Variants in TENM2 observed in about 807,000 individuals in gnomAD.
The protein encoded by TENM2 is teneurin-2.
TENM2 carries 52 observed loss-of-function variants against 245.2 expected under a neutral mutation model. That is an observed-to-expected ratio of 0.21 (90% CI 0.17 to 0.27). TENM2 has a LOEUF of 0.27. Among genes scored for constraint, TENM2 ranks in the 10% least tolerant of loss-of-function variants. The probability of loss-of-function intolerance (pLI) is 1.00; values close to 1 mark genes in which losing one functional copy is unlikely to be tolerated. For missense variants in TENM2, 3,046 were observed against 3,666.8 expected (o/e 0.83, Z 4.37); for synonymous variants, 1,363 against 1,438.9 (o/e 0.95, Z 1.19).
chr5:167,888,442 A>G (rs1363879464), intron 3 of TENM2, among the ~76,000 whole-genome samples: 5 of 152,204 alleles, frequency 3.3e-5, no homozygotes, highest in African/African-American at 4.8e-5. Flanking sequence ...GAGGAAAGGT[A>G]TGCAGAGGGT....
chr5:167,651,450 G>A (rs1267956255), intron 2 of TENM2, among the ~76,000 whole-genome samples: 1 of 151,542 alleles, frequency 6.6e-6, no homozygotes, highest in African/African-American at 2.4e-5. Flanking sequence ...AGGATGACAT[G>A]ATTTCCTACA....
chr5:167,433,501 T>G (rs942354126), intron 2 of TENM2, among the ~76,000 whole-genome samples: 9 of 152,180 alleles, frequency 5.9e-5, no homozygotes, highest in African/African-American at 2.2e-4. Context: ...TCTTATGCTT[T>G]TTATTGCTGT....
At chr5:167,786,558 T>C (rs959864637) in intron 2 of TENM2, among the ~76,000 whole-genome samples, 1 of 152,264 alleles carries the variant, frequency 6.6e-6, no homozygotes, top group Non-Finnish European at 1.5e-5. Context: ...ACTTAGGTCA[T>C]GTGCCCTTTC....
At chr5:167,250,210 A>G in the TENM2 span, among the ~76,000 whole-genome samples, 1 of 152,092 alleles carries the variant, frequency 6.6e-6, no homozygotes, top group African/African-American at 2.4e-5. Context: ...AGTGTCAGCT[A>G]CTCAGGAGGC....
chr5:167,949,723 C>T (rs932434396), intron 3 of TENM2, among the ~76,000 whole-genome samples: 2 of 152,182 alleles, frequency 1.3e-5, no homozygotes, highest in African/African-American at 4.8e-5. Context: ...GAACCCAGTT[C>T]TGTAGATTTT....
At chr5:167,580,079 G>A (rs528972489) in intron 2 of TENM2, among the ~76,000 whole-genome samples, 7 of 152,180 alleles carry the variant, frequency 4.6e-5, no homozygotes, top group African/African-American at 1.4e-4. Flanking sequence ...AATCATAATT[G>A]CCTATAGAGT....
the TENM2 span, among the ~76,000 whole-genome samples, chr5:167,027,658 C>T: frequency 6.6e-6 from 1 of 151,966 alleles, no homozygotes; most frequent in East Asian, 1.9e-4. Context: ...AATGCAAGAT[C>T]ATTTTAATTT....
chr5:168,238,188 AGGGAGG>A lies in TENM2; in HGVS notation c.5521-6230_5521-6225del, dbSNP rs1562320644. 7.4e-4 allele frequency among the ~76,000 whole-genome samples: 27 copies of A among 36,588 alleles called. 1 individual carries two copies. Among genetic ancestry groups the A allele is most frequent in the African/African-American group, 7.3e-3 (26 of 3,556 alleles). The allele number at this position is 36,588 out of a possible 152,430, so 24.0% of individuals were successfully genotyped here. On this transcript the variant is annotated intron_variant, in intron 25 of 28. Transcript: ENST00000518659. ...GAGAGAGAGAGAGAGAGAGAGAGGGAGGGAGGGAGGGAGGGAGGGAGGGAGGGAGAG... is the reference window on the plus strand; with the variant it reads ...GAGAGAGAGAGAGAGAGAGAGAGGGAGAGGGAGGGAGGGAGGGAGGGAGAG...
chr5:167,200,362 C>T, the TENM2 span, among the ~76,000 whole-genome samples: 1 of 151,968 alleles, frequency 6.6e-6, no homozygotes, highest in Non-Finnish European at 1.5e-5. Flanking sequence ...TCACTTAGCT[C>T]TTATTTGTGT....
At chr5:167,097,882 T>G in the TENM2 span, among the ~76,000 whole-genome samples, 2 of 152,180 alleles carry the variant, frequency 1.3e-5, no homozygotes, top group Non-Finnish European at 2.9e-5. Context: ...TACTTCTCTT[T>G]CCTTGTTTTT....
chr5:167,227,428 C>T, the TENM2 span, among the ~76,000 whole-genome samples: 6 of 152,050 alleles, frequency 3.9e-5, no homozygotes, highest in East Asian at 1.9e-4. Flanking sequence ...CCCTCTTGAG[C>T]GTTTCTTGTA....
At chr5:167,545,761 C>T (rs1772523755) in intron 2 of TENM2, among the ~76,000 whole-genome samples, 1 of 152,140 alleles carries the variant, frequency 6.6e-6, no homozygotes, top group Non-Finnish European at 1.5e-5. Context: ...TTTTATCTTC[C>T]TAATTTGGGC....
intron 1 of TENM2, among the ~76,000 whole-genome samples, chr5:167,359,579 C>A (rs1446072662): frequency 2.0e-5 from 3 of 151,912 alleles, no homozygotes; most frequent in African/African-American, 4.8e-5. Flanking sequence ...TAATTAGATT[C>A]CATTTGTTAA....
rs1485409706 is a variant in TENM2, at chr5:168,234,429, G to A, written c.5520+6299G>A. On this transcript the variant is annotated intron_variant, in intron 25 of 28. Transcript: ENST00000518659. Reference sequence around the variant, plus strand: ...ACATCTCAGTAAAAGCACCTAGACAGGGAAGCCCTAGAAAAAAGAGGTGCC... The same window carrying A: ...ACATCTCAGTAAAAGCACCTAGACAAGGAAGCCCTAGAAAAAAGAGGTGCC... Among the ~76,000 whole-genome samples, 5 of 151,996 alleles carry A rather than the reference G, an allele frequency of 3.3e-5. No homozygotes were observed. The South Asian group carries it at 6.2e-4, about 19-fold the overall frequency.
intron 1 of TENM2, among the ~76,000 whole-genome samples, chr5:167,357,210 T>C (rs1689082148): frequency 6.6e-6 from 1 of 152,168 alleles, no homozygotes; most frequent in African/African-American, 2.4e-5. Context: ...TTTGTAGTTA[T>C]AACTTATACT....
the TENM2 span, among the ~76,000 whole-genome samples, chr5:167,206,514 T>C: frequency 2.0e-5 from 3 of 152,184 alleles, no homozygotes; most frequent in Admixed American, 2.0e-4. Flanking sequence ...ACATATATCA[T>C]GGAGCAAACA....
chr5:167,073,647 C>T, the TENM2 span, among the ~76,000 whole-genome samples: 1 of 152,152 alleles, frequency 6.6e-6, no homozygotes, highest in East Asian at 1.9e-4. Flanking sequence ...CCGCACCTCA[C>T]CCCACCAAAT....
At chr5:167,762,237 G>A (rs1396354414) in intron 2 of TENM2, among the ~76,000 whole-genome samples, 12 of 152,106 alleles carry the variant, frequency 7.9e-5, no homozygotes, top group Non-Finnish European at 1.8e-4. Flanking sequence ...AATATCCCTG[G>A]CTCCTTAGGA....
In TENM2 at chr5:167,330,358, C is replaced by T. The variant is rs114823271; in HGVS notation, c.227-44840C>T. Among the ~76,000 whole-genome samples the T allele has an allele frequency of 2.8e-3, 428 of 152,218 alleles. 3 individuals are homozygous for T. Among genetic ancestry groups the T allele is most frequent in the African/African-American group, 9.7e-3 (402 of 41,540 alleles). Reference sequence around the variant, plus strand: ...AGAAGGTATTCTGTTTACATAGGGACGCTTAGTTATTGGTGAAGTCTGGAT... The same window carrying T: ...AGAAGGTATTCTGTTTACATAGGGATGCTTAGTTATTGGTGAAGTCTGGAT... On this transcript the variant is annotated intron_variant, in intron 1 of 28. Transcript: ENST00000518659.
Sources: gnomAD v4.1 joint callset for allele counts (sites outside exome capture counted in the v4.1 genomes callset) on GRCh38, gnomAD v4.1.1 for gene constraint, MANE v1.5 for transcripts, NCBI Gene and HGNC (gene_info 2026-07-23, HGNC 2026-07-21) for gene names.